Variants in ANO2 observed in about 807,000 individuals in gnomAD.
ANO2 encodes the protein anoctamin 2, also known as anoctamin-2.
ANO2 carries 101 observed loss-of-function variants against 124.2 expected under a neutral mutation model. That is an observed-to-expected ratio of 0.81 (90% CI 0.69 to 0.96). The LOEUF (loss-of-function observed/expected upper bound fraction) is 0.96, where lower values mean the gene tolerates loss of function less well. ANO2 is among the 40% of genes least tolerant of loss of function. The pLI is 0.00. For missense variants in ANO2, 1,293 were observed against 1,274.5 expected (o/e 1.01, Z -0.22); for synonymous variants, 486 against 482.5 (o/e 1.01, Z -0.09).
At chr12:5,942,094 C>T (rs564751624) in intron 1 of ANO2, among the ~76,000 whole-genome samples, 1 of 152,128 alleles carries the variant, frequency 6.6e-6, no homozygotes, top group South Asian at 2.1e-4. Flanking sequence ...TGATGGAGTG[C>T]CGCGTATCCC....
intron 19 of ANO2, among the ~76,000 whole-genome samples, chr12:5,605,762 G>C (rs956350166): frequency 6.6e-6 from 1 of 152,128 alleles, no homozygotes; most frequent in African/African-American, 2.4e-5. Flanking sequence ...GTGCAGGGAG[G>C]GGAGGAGGGA....
At chr12:5,599,080 A>C (rs2136881469) in intron 20 of ANO2, among the ~76,000 whole-genome samples, 1 of 152,334 alleles carries the variant, frequency 6.6e-6, no homozygotes, top group East Asian at 1.9e-4. Flanking sequence ...GTCATCGGAT[A>C]CTTTCCATGA....
chr12:5,667,382 G>A (rs1480666439), intron 14 of ANO2, among the ~76,000 whole-genome samples: 1 of 152,042 alleles, frequency 6.6e-6, no homozygotes, highest in South Asian at 2.1e-4. Flanking sequence ...ACCTCTCCTG[G>A]TGTGGTCATT....
intron 16 of ANO2, 62 bp from the exon 17 acceptor site, chr12:5,615,359 G>C (rs1472777295): frequency 1.6e-6 from 2 of 1,283,022 alleles, no homozygotes; most frequent in African/African-American, 3.0e-5. Context: ...CCAGAGTTTT[G>C]ACCTAGACAT....
intron 16 of ANO2, among the ~76,000 whole-genome samples, chr12:5,630,489 A>G (rs568935629): frequency 2.0e-5 from 3 of 152,308 alleles, no homozygotes; most frequent in East Asian, 1.9e-4. Context: ...TTCAGTCACT[A>G]TCCCATTGTG....
At chr12:5,705,171 T>C (rs992887984) in intron 14 of ANO2, among the ~76,000 whole-genome samples, 2 of 152,224 alleles carry the variant, frequency 1.3e-5, no homozygotes, top group Non-Finnish European at 2.9e-5. Context: ...GATAACATTG[T>C]CTTTTAGGGG....
chr12:5,678,877 G>A (rs1948371722), intron 14 of ANO2, among the ~76,000 whole-genome samples: 1 of 144,738 alleles, frequency 6.9e-6, no homozygotes, highest in South Asian at 2.2e-4. Context: ...GCCTAGCAAG[G>A]TTGGCTGAAC....
In ANO2 at chr12:5,945,169, A is replaced by G. The variant is rs1240002094; in HGVS notation, c.22+27T>C. 3.1e-6 allele frequency: 4 copies of G among 1,288,396 alleles called. No individual in the cohort carries two copies. The South Asian group carries it at 4.9e-5, about 16-fold the overall frequency. 79.8% of individuals were successfully genotyped at this position (1,288,396 alleles called of 1,614,324 possible). On this transcript the variant is annotated intron_variant, in intron 1 of 24. Transcript: ENST00000682330. Reference sequence around the variant, plus strand: ...TCCCTCCTACCACCTGTAGGAGACCAGGACCAGGTCCAGCCGGAAAACTCA... The same window carrying G: ...TCCCTCCTACCACCTGTAGGAGACCGGGACCAGGTCCAGCCGGAAAACTCA...
chr12:5,766,129 T>C (rs1401667714), intron 10 of ANO2, among the ~76,000 whole-genome samples: 1 of 152,206 alleles, frequency 6.6e-6, no homozygotes, highest in East Asian at 1.9e-4. Context: ...ACAGGTATTT[T>C]GGAAAAACTG....
In ANO2 at chr12:5,658,132, G is replaced by A. The variant is rs2136968578; in HGVS notation, c.1546-10331C>T. Among the ~76,000 whole-genome samples the A allele has an allele frequency of 6.6e-6, 1 of 152,268 alleles. No individual in the cohort carries two copies. The highest frequency in any genetic ancestry group is 2.4e-5 in the African/African-American group (1 of 41,566). ...CTCACCATGTCCTGGGAATACTGCA[G>A]TATGGTCTAGCCTGGAGGTGGCTGC... On this transcript the variant is annotated intron_variant, in intron 14 of 24. Transcript: ENST00000682330. The surrounding 1 kb of genome is among the most constrained non-coding windows in gnomAD (Gnocchi z 4.3).
chr12:5,662,750 G>T (rs114797484), intron 14 of ANO2, among the ~76,000 whole-genome samples: 207 of 152,282 alleles, frequency 1.4e-3, no homozygotes, highest in African/African-American at 4.9e-3. Flanking sequence ...AGCACGCAAT[G>T]TTTGTTGGTT....
At chr12:5,805,583 C>T (rs1324599129) in intron 9 of ANO2, among the ~76,000 whole-genome samples, 1 of 152,180 alleles carries the variant, frequency 6.6e-6, no homozygotes, top group Non-Finnish European at 1.5e-5. Context: ...AAAGTTGACC[C>T]TCCAAAAGCT....
In ANO2 at chr12:5,922,783, G is replaced by A. The variant is rs1307409354; in HGVS notation, c.44C>T (p.Ser15Phe). 1 of 1,535,764 alleles carries A rather than the reference G, an allele frequency of 6.5e-7. No individual in the cohort carries two copies. Among genetic ancestry groups the A allele is most frequent in the South Asian group, 1.2e-5 (1 of 80,080 alleles). The change falls in exon 2 of 25, where the codon TCC becomes TTC. Residue 15 changes from serine to phenylalanine, a missense_variant. Transcript: ENST00000682330. ...TGCCTGAGGGCTCAGCCGGCGTGGG[G>A]AGCCAGGGAGCAGGGGTATATCTGT... ...GPRDIPLLPG[S>F]PRRLSPQAGS...
rs143470102 is a variant in ANO2 at position 5,688,906 on chromosome 12, T to C, written c.1546-41105A>G. On this transcript the variant is annotated intron_variant, in intron 14 of 24. Coordinates refer to ENST00000682330, the MANE Select transcript of ANO2 (RefSeq NM_001364791.2). ...CAGGAGGATCAGCACACCTGCCTCC[T>C]ATGTCCTTTTCCTGCTGTTGTGCAC... is the stretch of plus-strand genomic sequence containing the variant. Among the ~76,000 whole-genome samples the C allele has an allele frequency of 6.8e-4, 102 of 149,274 alleles. 1 individual carries two copies. The highest frequency in any genetic ancestry group is 2.5e-3 in the African/African-American group (101 of 40,904).
chr12:5,729,512 G>A lies in ANO2; in HGVS notation c.1545+3008C>T, dbSNP rs558448104. Among the ~76,000 whole-genome samples the A allele has an allele frequency of 2.6e-5, 4 of 152,306 alleles. No individual in the cohort carries two copies. The South Asian group carries it at 8.3e-4, about 32-fold the overall frequency. On this transcript the variant is annotated intron_variant, in intron 14 of 24. Coordinates refer to ENST00000682330, the MANE Select transcript of ANO2 (RefSeq NM_001364791.2). Reference sequence around the variant, plus strand: ...AAAATGTAAAAAACAGATACTAAGTGTTGGTGAGGATGTGGAGATGCTGGA... The same window carrying A: ...AAAATGTAAAAAACAGATACTAAGTATTGGTGAGGATGTGGAGATGCTGGA...
At chr12:5,736,425 G>C (rs888648624) in intron 13 of ANO2, among the ~76,000 whole-genome samples, 5 of 152,168 alleles carry the variant, frequency 3.3e-5, no homozygotes, top group African/African-American at 4.8e-5. Context: ...TGGATACCAT[G>C]GGGAAGAAAG....
intron 13 of ANO2, among the ~76,000 whole-genome samples, chr12:5,736,730 C>T (rs71459968): frequency 0.013 from 2,055 of 152,272 alleles, 21 homozygotes; most frequent in Non-Finnish European, 0.022. Flanking sequence ...ACCCGGTCAC[C>T]AGACTATACT....
intron 14 of ANO2, among the ~76,000 whole-genome samples, chr12:5,663,888 T>C (rs1194792072): frequency 2.6e-5 from 4 of 152,256 alleles, no homozygotes; most frequent in Non-Finnish European, 4.4e-5. Context: ...AATGATTTTA[T>C]AAGCATTCAT....
At chr12:5,649,471 T>A (rs765125128) in intron 14 of ANO2, among the ~76,000 whole-genome samples, 4 of 152,158 alleles carry the variant, frequency 2.6e-5, no homozygotes, top group Non-Finnish European at 4.4e-5. Flanking sequence ...ATGAACCTAT[T>A]TCTGATGGGA....
Sources: gnomAD v4.1 joint callset for allele counts (sites outside exome capture counted in the v4.1 genomes callset) on GRCh38, gnomAD v4.1.1 for gene constraint, Gnocchi (gnomAD v3.1) non-coding constraint, MANE v1.5 for transcripts, NCBI Gene and HGNC (gene_info 2026-07-23, HGNC 2026-07-21) for gene names.